The following TMPRSS15 variants were observed in gnomAD, a reference collection of about 807,000 sequenced individuals.
The protein encoded by TMPRSS15 is transmembrane serine protease 15.
TMPRSS15 carries 128 observed loss-of-function variants against 125.3 expected under a neutral mutation model. That is an observed-to-expected ratio of 1.02 (90% CI 0.89 to 1.18). The LOEUF is 1.18. Among genes scored for constraint, TMPRSS15 ranks in the 50% most tolerant of loss-of-function variants. The pLI is 0.00. For missense variants in TMPRSS15, 1,283 were observed against 1,212.7 expected, an observed-to-expected ratio of 1.06 and a Z score of -0.86; for synonymous variants, 446 against 423.2, an observed-to-expected ratio of 1.05 and a Z score of -0.66.
intron 10 of TMPRSS15, among the ~76,000 whole-genome samples, chr21:18,351,890 T>C (rs2075573185): frequency 6.6e-6 from 1 of 152,096 alleles, no homozygotes; most frequent in Non-Finnish European, 1.5e-5. Context: ...AAATTTCAAC[T>C]TGGAAGTTTT....
intron 10 of TMPRSS15, among the ~76,000 whole-genome samples, chr21:18,350,506 T>C (rs1205852147): frequency 5.3e-5 from 8 of 152,254 alleles, no homozygotes; most frequent in African/African-American, 1.9e-4. Context: ...TTCAACACTC[T>C]TGCCCTCGCA....
intron 1 of TMPRSS15, chr21:18,460,532 G>A (rs1978532306): frequency 6.6e-6 from 1 of 152,182 alleles, no homozygotes; most frequent in African/African-American, 2.4e-5. Flanking sequence ...TAGAGTGTTT[G>A]TGTCTGTAGA....
Position 18,315,186 on chromosome 21 carries a change from A to G in TMPRSS15, c.1992T>C (p.Gly664=). The G allele has an allele frequency of 2.5e-6, 4 of 1,613,940 alleles. No homozygotes were observed. Among genetic ancestry groups the G allele is most frequent in the South Asian group, 2.2e-5 (2 of 91,086 alleles). ...ECVPLVNLCD[G]HLHCEDGSDE... Reference sequence around the variant, plus strand: ...CTGAGCCATCCTCACAGTGCAGATGACCGTCACAGAGATTCACCAGTGGAA... The same window carrying G: ...CTGAGCCATCCTCACAGTGCAGATGGCCGTCACAGAGATTCACCAGTGGAA... Residue 664 remains glycine, a synonymous_variant, in exon 17 of 25, where the codon GGT becomes GGC. Transcript: ENST00000284885.
upstream of TMPRSS15, among the ~76,000 whole-genome samples, chr21:18,405,337 A>G (rs1261420518): frequency 6.6e-6 from 1 of 152,212 alleles, no homozygotes; most frequent in Admixed American, 6.5e-5. Context: ...TATATTTAGT[A>G]TCAAGCAAAT....
chr21:18,297,051 A>T (rs1270015071), intron 19 of TMPRSS15, among the ~76,000 whole-genome samples: 1 of 152,180 alleles, frequency 6.6e-6, no homozygotes, highest in East Asian at 1.9e-4. Flanking sequence ...TCCCACCCAC[A>T]GCTGTTCTTT....
Position 18,353,729 on chromosome 21 carries a change from G to A in TMPRSS15, c.1015C>T (p.Leu339Phe). Residue 339 changes from leucine (L) to phenylalanine (F), a missense_variant, in exon 9 of 25, where the codon CTT (leucine) becomes TTT (phenylalanine). Transcript: ENST00000284885. The stretch of plus-strand genomic sequence containing the variant: ...AAAAATAAATAATACTTACTATTAA[G>A]CTCACTGCTGTTAAATGCAGTATAT... ...ATYTAFNSSE[L>F]NNYEKINCNF... 1 of 1,610,218 alleles carries A rather than the reference G, an allele frequency of 6.2e-7. No homozygotes were observed. Among genetic ancestry groups the A allele is most frequent in the South Asian group, 1.1e-5 (1 of 90,838 alleles).
Position 18,372,407 on chromosome 21 carries a change from G to A in TMPRSS15, c.533-83C>T, listed in dbSNP as rs1316389097. ...ATTTAATAGGCCTTTTTGCCACTGG[G>A]GTTCTTACTTATAAGTATGTTCTTC... On this transcript the variant is annotated intron_variant, in intron 5 of 24. Transcript: ENST00000284885. The A allele has an allele frequency of 3.2e-6, 4 of 1,239,668 alleles. No homozygotes were observed. The African/African-American group carries it at 6.0e-5, about 19-fold the overall frequency. The allele number at this position is 1,239,668 out of a possible 1,614,324, so 76.8% of individuals were successfully genotyped here.
chr21:18,402,161 A>T (rs1275776384), intron 1 of TMPRSS15, among the ~76,000 whole-genome samples: 2 of 152,224 alleles, frequency 1.3e-5, no homozygotes, highest in Non-Finnish European at 2.9e-5. Flanking sequence ...TGTGCATTAC[A>T]TTCTAATTTA....
rs1050860505 is a variant in TMPRSS15 at position 18,269,974 on chromosome 21, G to A, written c.3055C>T (p.His1019Tyr). ...RFTEWIQSFL[H>Y] ...TGTTTAGTTTAAGAAATGCGCTAAT[G>A]TAGAAAACTTTGTATCCATTCGGTA... Residue 1019 changes from histidine to tyrosine, a missense_variant, in exon 25 of 25, where the codon CAT becomes TAT. Coordinates refer to ENST00000284885, the MANE Select transcript of TMPRSS15 (RefSeq NM_002772.3). The A allele has an allele frequency of 3.1e-6, 5 of 1,613,606 alleles. No homozygotes were observed. Among genetic ancestry groups the A allele is most frequent in the African/African-American group, 2.7e-5 (2 of 74,878 alleles).
At chr21:18,456,269 T>C (rs1978438434) in intron 1 of TMPRSS15, among the ~76,000 whole-genome samples, 1 of 152,248 alleles carries the variant, frequency 6.6e-6, no homozygotes, top group Middle Eastern at 3.4e-3. Flanking sequence ...TCAGCCTTCA[T>C]TTACAAATCC....
intron 21 of TMPRSS15, among the ~76,000 whole-genome samples, chr21:18,285,605 AAGTT>A (rs2146880930): frequency 6.6e-6 from 1 of 152,060 alleles, no homozygotes; most frequent in Non-Finnish European, 1.5e-5. Context: ...AGGCAACTGA[AAGTT>A]AGAATGTTTC....
At chr21:18,429,137 G>T (rs2076210830) in intron 1 of TMPRSS15, among the ~76,000 whole-genome samples, 2 of 152,252 alleles carry the variant, frequency 1.3e-5, no homozygotes, top group East Asian at 1.9e-4. Context: ...TTTCAGACTA[G>T]CATGGGCCCC....
chr21:18,354,124 C>T (rs1442130443), intron 8 of TMPRSS15, among the ~76,000 whole-genome samples: 1 of 151,792 alleles, frequency 6.6e-6, no homozygotes, highest in African/African-American at 2.4e-5. Flanking sequence ...TAATTGTTAG[C>T]TCTATGCACT....
At chr21:18,315,091 A>G (rs2075147370) in intron 17 of TMPRSS15, 55 bp downstream of exon 17, 1 of 1,336,178 alleles carries the variant, frequency 7.5e-7, no homozygotes, top group South Asian at 1.2e-5. Flanking sequence ...GACACTGTAG[A>G]GTCCAAATGC....
At chr21:18,276,583 T>A (rs1211139732) in intron 23 of TMPRSS15, among the ~76,000 whole-genome samples, 1 of 152,104 alleles carries the variant, frequency 6.6e-6, no homozygotes, top group Non-Finnish European at 1.5e-5. Context: ...TAAAATTTGT[T>A]TGGTAGATGA....
intron 18 of TMPRSS15, among the ~76,000 whole-genome samples, chr21:18,312,267 G>T (rs1439356434): frequency 6.6e-6 from 1 of 151,550 alleles, no homozygotes; most frequent in Non-Finnish European, 1.5e-5. Context: ...TTGATGGGAA[G>T]GTAAAAAACA....
chr21:18,351,408 A>G (rs747645138), intron 10 of TMPRSS15, among the ~76,000 whole-genome samples: 29 of 152,112 alleles, frequency 1.9e-4, no homozygotes, highest in Non-Finnish European at 3.4e-4. Context: ...CTCATCTCCA[A>G]TTGTAATCTA....
At chr21:18,316,387 T>TTCCCAA (rs1397112401) in intron 16 of TMPRSS15, among the ~76,000 whole-genome samples, 1 of 152,184 alleles carries the variant, frequency 6.6e-6, no homozygotes, top group Non-Finnish European at 1.5e-5. Context: ...CAAATGATAC[T>TTCCCAA]TCCAAAACTT....
chr21:18,346,500 C>T (rs1388524438), intron 10 of TMPRSS15, among the ~76,000 whole-genome samples: 5 of 152,154 alleles, frequency 3.3e-5, no homozygotes, highest in African/African-American at 9.7e-5. Context: ...TACATCTCTC[C>T]TAAGTCTTCT....
Sources: allele counts gnomAD v4.1 joint callset (sites outside exome capture counted in the v4.1 genomes callset), GRCh38; gene constraint gnomAD v4.1.1; transcripts MANE v1.5; gene names NCBI Gene and HGNC (gene_info 2026-07-23, HGNC 2026-07-21).